EZH2: variants seen among roughly 807,000 people sequenced by gnomAD.
EZH2 encodes the protein enhancer of zeste 2 polycomb repressive complex 2 subunit.
In EZH2, 18 loss-of-function variants were observed where a neutral mutation model predicts 98.4. The ratio of observed to expected loss-of-function variants is 0.18; its 90% CI spans 0.13 to 0.27. The LOEUF (loss-of-function observed/expected upper bound fraction) is 0.27, where lower values mean the gene tolerates loss of function less well. Among genes scored for constraint, EZH2 ranks in the 10% least tolerant of loss-of-function variants. EZH2 has a pLI of 1.00. For synonymous variants in EZH2, 338 were observed against 312.3 expected (o/e 1.08, Z -0.87); for missense variants, 470 against 935.1 (o/e 0.50, Z 6.49).
At chr7:148,811,396 C>G (rs1803046548) in intron 16 of EZH2, among the ~76,000 whole-genome samples, 1 of 152,186 alleles carries the variant, frequency 6.6e-6, no homozygotes, top group South Asian at 2.1e-4. Flanking sequence ...AGCAATCCAC[C>G]TGCCTCGGCC....
chr7:148,817,486 G>T, intron 10 of EZH2, 95 bp from the exon 11 acceptor site: 5 of 1,268,494 alleles, frequency 3.9e-6, no homozygotes, highest in Non-Finnish European at 5.4e-6. Flanking sequence ...GCGAAAAGAT[G>T]AGGACAACTC....
chr7:148,866,168 C>T (rs1818413993), intron 1 of EZH2, among the ~76,000 whole-genome samples: 1 of 152,100 alleles, frequency 6.6e-6, no homozygotes, highest in African/African-American at 2.4e-5. Flanking sequence ...AAACACACTG[C>T]CGGGGTACTA....
At chr7:148,864,836 G>C (rs1203003018) in intron 1 of EZH2, among the ~76,000 whole-genome samples, 1 of 151,804 alleles carries the variant, frequency 6.6e-6, no homozygotes, top group Non-Finnish European at 1.5e-5. Context: ...AAAAAAATAG[G>C]TATCAGAGGC....
intron 1 of EZH2, among the ~76,000 whole-genome samples, chr7:148,853,628 C>G (rs1180543877): frequency 6.6e-6 from 1 of 152,196 alleles, no homozygotes. Flanking sequence ...TTAAAACCAT[C>G]TCTAGATTAC....
At position 148,854,911 on chromosome 7, in the gene EZH2, A is replaced by G. The variant is rs1816556679; in HGVS notation, c.-7-7606T>C. 3.3e-5 allele frequency among the ~76,000 whole-genome samples: 5 copies of G among 152,262 alleles called. No individual in the cohort carries two copies. The South Asian group carries it at 1.0e-3, about 31-fold the overall frequency. On this transcript the variant is annotated intron_variant, in intron 1 of 19. Coordinates refer to ENST00000320356, the MANE Select transcript of EZH2 (RefSeq NM_004456.5). ...TTTGTAGGTAAGGATAAGAAAAACA[A>G]TATAAAGAGAACTTAGACATATAGA...
At chr7:148,883,721 G>A (rs1052106359) in intron 1 of EZH2, among the ~76,000 whole-genome samples, 3 of 151,856 alleles carry the variant, frequency 2.0e-5, no homozygotes, top group African/African-American at 4.8e-5. Context: ...GGACTCGGCG[G>A]CTGGGTCCCA....
chr7:148,843,598 T>TG (rs1813099462), intron 3 of EZH2, among the ~76,000 whole-genome samples: 1 of 113,614 alleles, frequency 8.8e-6, no homozygotes, highest in Non-Finnish European at 1.8e-5. Context: ...TTTTTTTTTT[T>TG]TTTTTTTTTT....
Position 148,827,263 on chromosome 7 carries a change from T to G in EZH2, c.629A>C (p.Lys210Thr). ...QKDLEDHRDD[K>T]ESRPPRKFPS... ...AAATTTCCGAGGTGGGCGGCTTTCT[T>G]TATCTAAACAGGAGAATATGAAAGG... The change falls in exon 7 of 20, where the codon AAA becomes ACA. Residue 210 changes from lysine (K) to threonine (T), a missense_variant. Physicochemically the swap from Lys to Thr is moderately conservative, Grantham distance 78. Coordinates refer to ENST00000320356, the MANE Select transcript of EZH2 (RefSeq NM_004456.5). The G allele has an allele frequency of 6.2e-7, 1 of 1,612,084 alleles. No individual in the cohort carries two copies.
chr7:148,881,791 G>A (rs925973577), intron 1 of EZH2, among the ~76,000 whole-genome samples: 4 of 151,690 alleles, frequency 2.6e-5, no homozygotes, highest in South Asian at 2.1e-4. Flanking sequence ...AAAATTAGCC[G>A]GGTGTCGTGG....
At chr7:148,866,458 ATCTTAAACT>A (rs1196260192) in intron 1 of EZH2, among the ~76,000 whole-genome samples, 1 of 150,904 alleles carries the variant, frequency 6.6e-6, no homozygotes, top group East Asian at 1.9e-4. Flanking sequence ...AGGTACCTTG[ATCTTAAACT>A]TCCCAGCCCC....
chr7:148,846,914 A>C (rs1221837501), intron 2 of EZH2, among the ~76,000 whole-genome samples: 1 of 150,722 alleles, frequency 6.6e-6, no homozygotes, highest in African/African-American at 2.4e-5. Flanking sequence ...TGACTTTAGA[A>C]ACATAAAATC....
chr7:148,809,034 G>A, intron 19 of EZH2, 37 bp downstream of exon 19: 1 of 1,538,314 alleles, frequency 6.5e-7, no homozygotes, highest in Non-Finnish European at 9.0e-7. Context: ...AGTAGAAAAA[G>A]CCCTTAGAGA....
chr7:148,882,937 T>C (rs1004226168), intron 1 of EZH2, among the ~76,000 whole-genome samples: 13 of 152,256 alleles, frequency 8.5e-5, no homozygotes, highest in Admixed American at 2.0e-4. Context: ...ACCAAAGCTA[T>C]TGTTCACAGA....
intron 1 of EZH2, among the ~76,000 whole-genome samples, chr7:148,863,144 C>T (rs1295964050): frequency 6.6e-6 from 1 of 151,092 alleles, no homozygotes; most frequent in African/African-American, 2.4e-5. Flanking sequence ...AATCCCAGGC[C>T]ACACTTTGAG....
chr7:148,817,843 G>A (rs1242667687), intron 10 of EZH2, 34 bp downstream of exon 10: 4 of 1,613,876 alleles, frequency 2.5e-6, no homozygotes, highest in South Asian at 1.1e-5. Context: ...AACTTTCACA[G>A]AACAGTAAAA....
chr7:148,826,670 C>A, intron 7 of EZH2, 38 bp from the exon 8 acceptor site: 3 of 1,416,638 alleles, frequency 2.1e-6, no homozygotes, highest in Non-Finnish European at 2.8e-6. Context: ...AAACATGAAA[C>A]AAAAATCACT....
intron 1 of EZH2, among the ~76,000 whole-genome samples, chr7:148,870,548 C>T (rs553417954): frequency 6.6e-6 from 1 of 151,850 alleles, no homozygotes; most frequent in African/African-American, 2.4e-5. Flanking sequence ...CAAAAAAATA[C>T]AAAAATTAGC....
At chr7:148,861,089 T>C (rs768446720) in intron 1 of EZH2, among the ~76,000 whole-genome samples, 1 of 152,224 alleles carries the variant, frequency 6.6e-6, no homozygotes, top group Non-Finnish European at 1.5e-5. Flanking sequence ...TCATCTCTTA[T>C]ATAAAATGGC....
intron 1 of EZH2, among the ~76,000 whole-genome samples, chr7:148,876,785 G>A (rs1054562659): frequency 7.2e-5 from 11 of 152,158 alleles, no homozygotes; most frequent in Non-Finnish European, 1.3e-4. Context: ...CTTGGCAGGC[G>A]GTATCTAGTC....
Sources: allele counts gnomAD v4.1 joint callset (sites outside exome capture counted in the v4.1 genomes callset), GRCh38; gene constraint gnomAD v4.1.1; transcripts MANE v1.5; gene names NCBI Gene and HGNC (gene_info 2026-07-23, HGNC 2026-07-21).